COL9A1: variants seen among roughly 807,000 people sequenced by gnomAD.
COL9A1 encodes collagen type IX alpha 1 chain, also known as collagen alpha-1(IX) chain.
COL9A1 carries 104 observed loss-of-function variants against 142.6 expected under a neutral mutation model. That is an observed-to-expected ratio of 0.73 (90% CI 0.62 to 0.86). The LOEUF is 0.86. Ranked by LOEUF, COL9A1 falls within the 40% of genes least tolerant of loss-of-function variation. COL9A1 has a pLI of 0.00. For missense variants in COL9A1, 1,210 were observed against 1,176.6 expected (o/e 1.03, Z -0.42); for synonymous variants, 466 against 396.0 (o/e 1.18, Z -2.10).
At chr6:70,251,848 G>A (rs536683022) in intron 28 of COL9A1, among the ~76,000 whole-genome samples, 12 of 152,288 alleles carry the variant, frequency 7.9e-5, no homozygotes, top group African/African-American at 2.2e-4. Flanking sequence ...GTATCTCAAC[G>A]TTGGGTCTTT....
chr6:70,240,698 C>G lies in COL9A1; in HGVS notation c.2070G>C (p.Arg690Ser). 2 of 1,612,936 alleles carry G rather than the reference C, an allele frequency of 1.2e-6. No individual in the cohort carries two copies. Among genetic ancestry groups the G allele is most frequent in the Non-Finnish European group, 1.7e-6 (2 of 1,179,356 alleles). The change falls in exon 32 of 38, where the codon AGG becomes AGC. Residue 690 changes from arginine to serine, a missense_variant. Arg to Ser is a moderately radical substitution (Grantham distance 110). Transcript: ENST00000357250. ...AAAAAAAAAATCTTACAAGTTCCCC[C>G]CTTTCTCCTGCTTCACCTTCTTCAC... Reference protein sequence around the residue: ...ASGEEGEAGERGELGDIGLPG... With the variant: ...ASGEEGEAGESGELGDIGLPG...
At chr6:70,284,291 G>A (rs1773352409) in intron 5 of COL9A1, among the ~76,000 whole-genome samples, 1 of 151,962 alleles carries the variant, frequency 6.6e-6, no homozygotes, top group African/African-American at 2.4e-5. Context: ...AAAAAAAAGT[G>A]GCAATCAGAA....
chr6:70,223,832 A>G (rs564839581), intron 37 of COL9A1, among the ~76,000 whole-genome samples: 31 of 152,344 alleles, frequency 2.0e-4, no homozygotes, highest in African/African-American at 7.5e-4. Context: ...ACAAAAGTCC[A>G]AAAAAGGAAG....
chr6:70,247,910 C>T (rs892119877), intron 28 of COL9A1, among the ~76,000 whole-genome samples: 1 of 152,136 alleles, frequency 6.6e-6, no homozygotes, highest in African/African-American at 2.4e-5. Flanking sequence ...TTAGATCTTT[C>T]ACAATACAAC....
At position 70,264,603 on chromosome 6, in the gene COL9A1, T is replaced by C. The variant is rs1771897810; in HGVS notation, c.1342-1306A>G. Among the ~76,000 whole-genome samples, 5 of 152,054 alleles carry C rather than the reference T, an allele frequency of 3.3e-5. No individual in the cohort carries two copies. In the South Asian group the frequency reaches 1.0e-3, roughly 31 times the overall value. On this transcript the variant is annotated intron_variant, in intron 18 of 37. Transcript: ENST00000357250. ...AAACAGCAGTGATTGATATGTCCAC[T>C]GAAATTTTTCCATAACAAGGTACAG...
intron 10 of COL9A1, chr6:70,280,508 G>T: frequency 2.2e-6 from 3 of 1,349,862 alleles, no homozygotes; most frequent in South Asian, 3.2e-5. Flanking sequence ...CCCCAGTGGG[G>T]CTGAGAGTTC....
At chr6:70,279,885 C>T (rs957889215) in intron 10 of COL9A1, 1 of 499,374 alleles carries the variant, frequency 2.0e-6, no homozygotes, top group African/African-American at 1.9e-5. Flanking sequence ...TTAGAAAAGT[C>T]TTTAGTTTTT....
chr6:70,290,882 G>A (rs559241194), intron 5 of COL9A1, among the ~76,000 whole-genome samples: 2 of 152,004 alleles, frequency 1.3e-5, no homozygotes, highest in South Asian at 4.2e-4. Context: ...TTGTTTTTAT[G>A]GTATTTTTAT....
At chr6:70,280,089 C>A in intron 10 of COL9A1, 1 of 661,970 alleles carries the variant, frequency 1.5e-6, no homozygotes, top group Non-Finnish European at 2.8e-6. Context: ...TCATTTTACT[C>A]TGAAGAAGTA....
intron 37 of COL9A1, among the ~76,000 whole-genome samples, chr6:70,223,848 C>G (rs907233474): frequency 6.6e-6 from 1 of 151,942 alleles, no homozygotes; most frequent in African/African-American, 2.4e-5. Flanking sequence ...GGAAGGTTAC[C>G]GAGGTTGAGA....
At chr6:70,240,051 AC>A (rs769895751) in intron 32 of COL9A1, among the ~76,000 whole-genome samples, 32 of 152,024 alleles carry the variant, frequency 2.1e-4, no homozygotes, top group Non-Finnish European at 3.2e-4. Flanking sequence ...CTATTACCCT[AC>A]CCCAAAGGAC....
At chr6:70,300,415 T>C (rs1014756494) in intron 2 of COL9A1, 29 bp from the exon 3 acceptor site, 2 of 1,231,612 alleles carry the variant, frequency 1.6e-6, no homozygotes, top group Non-Finnish European at 2.4e-6. Flanking sequence ...GTCATTCTAC[T>C]TCATCCACTC....
intron 5 of COL9A1, among the ~76,000 whole-genome samples, chr6:70,289,450 G>C (rs1403217575): frequency 6.6e-6 from 1 of 152,116 alleles, no homozygotes; most frequent in African/African-American, 2.4e-5. Context: ...TGTGTCACCA[G>C]CTCTAGTTCT....
At chr6:70,249,753 C>T (rs960183229) in intron 28 of COL9A1, among the ~76,000 whole-genome samples, 1 of 151,862 alleles carries the variant, frequency 6.6e-6, no homozygotes, top group Non-Finnish European at 1.5e-5. Context: ...TGATTTGCCT[C>T]TCCTCACATA....
At chr6:70,299,955 A>T in intron 4 of COL9A1, 88 bp downstream of exon 4, 1 of 1,269,858 alleles carries the variant, frequency 7.9e-7, no homozygotes, top group Non-Finnish European at 1.1e-6. Flanking sequence ...AGAAACATTG[A>T]TCATAAGAAA....
chr6:70,225,050 C>G (rs753328348), intron 37 of COL9A1, among the ~76,000 whole-genome samples: 1 of 152,150 alleles, frequency 6.6e-6, no homozygotes, highest in African/African-American at 2.4e-5. Flanking sequence ...CCTAAACTTC[C>G]CTAAGCCAAG....
intron 36 of COL9A1, among the ~76,000 whole-genome samples, chr6:70,231,325 T>A (rs1159655941): frequency 6.6e-6 from 1 of 152,204 alleles, no homozygotes; most frequent in East Asian, 1.9e-4. Flanking sequence ...CAGAGTGAAT[T>A]GAGACTAACC....
chr6:70,220,401 TGTG>T (rs1768806797), intron 37 of COL9A1, among the ~76,000 whole-genome samples: 1 of 151,444 alleles, frequency 6.6e-6, no homozygotes, highest in African/African-American at 2.4e-5. Flanking sequence ...TGTGTGTGTG[TGTG>T]TGTGTGTGTG....
intron 35 of COL9A1, 51 bp downstream of exon 35, chr6:70,234,488 A>C (rs1387813515): frequency 6.3e-7 from 1 of 1,580,310 alleles, no homozygotes; most frequent in Admixed American, 1.7e-5. Context: ...ATAAAATCTT[A>C]AGAAACAAGA....
Sources: allele counts gnomAD v4.1 joint callset (sites outside exome capture counted in the v4.1 genomes callset), GRCh38; gene constraint gnomAD v4.1.1; transcripts MANE v1.5; gene names NCBI Gene and HGNC (gene_info 2026-07-23, HGNC 2026-07-21).